Variants in PCDH15 observed in about 807,000 individuals in gnomAD.
The protein encoded by PCDH15 is protocadherin related 15.
Under a neutral mutation model 178.5 loss-of-function variants are expected in PCDH15, and 129 were observed. The ratio of observed to expected loss-of-function variants is 0.72; its 90% CI spans 0.63 to 0.84. The LOEUF is 0.84. Among genes scored for constraint, PCDH15 ranks in the 40% least tolerant of loss-of-function variants. The probability of loss-of-function intolerance (pLI) is 0.00; values close to 1 mark genes in which losing one functional copy is unlikely to be tolerated. For synonymous variants in PCDH15, 800 were observed against 732.0 expected (o/e 1.09, Z -1.50); for missense variants, 2,230 against 2,099.9 (o/e 1.06, Z -1.21).
chr10:53,844,645 A>G (rs1356780093), intron 28 of PCDH15, among the ~76,000 whole-genome samples: 2 of 151,976 alleles, frequency 1.3e-5, no homozygotes, highest in Non-Finnish European at 2.9e-5. Flanking sequence ...GACAATTTTT[A>G]ATGTATGATG....
chr10:55,264,577 G>C (rs1025697790), intron 1 of PCDH15, among the ~76,000 whole-genome samples: 2 of 152,104 alleles, frequency 1.3e-5, no homozygotes, highest in Admixed American at 1.3e-4. Context: ...TCACACCCTG[G>C]GTTTTCACTG....
At chr10:54,428,007 A>G (rs950478248) in intron 3 of PCDH15, among the ~76,000 whole-genome samples, 11 of 152,200 alleles carry the variant, frequency 7.2e-5, no homozygotes, top group African/African-American at 2.2e-4. Context: ...AAACTAGGAT[A>G]TAGAAACATT....
At chr10:54,358,407 A>C (rs1328245784) in intron 5 of PCDH15, among the ~76,000 whole-genome samples, 1 of 152,186 alleles carries the variant, frequency 6.6e-6, no homozygotes, top group Non-Finnish European at 1.5e-5. Context: ...AAACACATGA[A>C]AAAATGCTCA....
At chr10:53,973,689 C>T (rs2089953958) in intron 21 of PCDH15, among the ~76,000 whole-genome samples, 1 of 152,004 alleles carries the variant, frequency 6.6e-6, no homozygotes, top group South Asian at 2.1e-4. Flanking sequence ...AGTTATTTCC[C>T]TGTATTCACA....
At chr10:54,430,539 A>T (rs1956843220) in intron 3 of PCDH15, among the ~76,000 whole-genome samples, 1 of 152,204 alleles carries the variant, frequency 6.6e-6, no homozygotes, top group Non-Finnish European at 1.5e-5. Flanking sequence ...ATGCTCTTGA[A>T]TGACCATCCA....
intron 1 of PCDH15, among the ~76,000 whole-genome samples, chr10:54,769,559 CA>C (rs1948866083): frequency 6.6e-6 from 1 of 151,618 alleles, no homozygotes; most frequent in African/African-American, 2.4e-5. Context: ...GGGATGCTAG[CA>C]TGCAACCTGG....
chr10:54,635,723 T>C (rs925922195), intron 2 of PCDH15, among the ~76,000 whole-genome samples: 1 of 151,930 alleles, frequency 6.6e-6, no homozygotes, highest in African/African-American at 2.4e-5. Context: ...CAAATTGTTC[T>C]GCTATTATAC....
rs1010582482 is a variant in PCDH15, at chr10:54,183,606, A to G, written c.1441-13T>C. On this transcript the variant is annotated splice_polypyrimidine_tract_variant and intron_variant, in intron 12 of 37. Coordinates refer to ENST00000644397, the MANE Select transcript of PCDH15 (RefSeq NM_001384140.1). ...CAAATGCTGTTATCTTTGGGAGGAG[A>G]AAAATACACTTAGTAGAGATGTTCT... 1.2e-5 allele frequency: 20 copies of G among 1,613,276 alleles called. No homozygotes were observed. The highest frequency in any genetic ancestry group is 1.6e-5 in the Non-Finnish European group (19 of 1,179,822).
At chr10:55,010,631 A>G (rs746858463) in intron 2 of PCDH15, among the ~76,000 whole-genome samples, 8 of 152,114 alleles carry the variant, frequency 5.3e-5, no homozygotes, top group Admixed American at 2.0e-4. Context: ...TCATGGTACA[A>G]ATAAAAACAG....
intron 2 of PCDH15, among the ~76,000 whole-genome samples, chr10:55,468,140 G>T (rs1839878201): frequency 6.6e-6 from 1 of 151,994 alleles, no homozygotes; most frequent in African/African-American, 2.4e-5. Flanking sequence ...GAGCAGGGGG[G>T]AAAAGTTAGT....
chr10:54,743,130 A>G (rs140806485), intron 1 of PCDH15, among the ~76,000 whole-genome samples: 211 of 152,148 alleles, frequency 1.4e-3, no homozygotes, highest in African/African-American at 4.9e-3. Context: ...CAGATGATAA[A>G]TGGAATGGCA....
chr10:54,683,140 A>C (rs2094929441), intron 1 of PCDH15, among the ~76,000 whole-genome samples: 1 of 152,082 alleles, frequency 6.6e-6, no homozygotes, highest in African/African-American at 2.4e-5. Context: ...TTTTTTAAAT[A>C]TTTTTAATTT....
chr10:55,480,476 T>C (rs1412292491), intron 2 of PCDH15, among the ~76,000 whole-genome samples: 3 of 151,570 alleles, frequency 2.0e-5, no homozygotes, highest in South Asian at 4.1e-4. Flanking sequence ...CTATCATATA[T>C]ATTTTTGTTA....
intron 1 of PCDH15, among the ~76,000 whole-genome samples, chr10:55,312,215 C>G (rs906586559): frequency 6.6e-6 from 1 of 152,086 alleles, no homozygotes. Flanking sequence ...AAGCTATTAA[C>G]TTTACTCTGT....
chr10:54,230,358 G>T (rs909685657), intron 9 of PCDH15, among the ~76,000 whole-genome samples: 4 of 151,684 alleles, frequency 2.6e-5, no homozygotes, highest in African/African-American at 9.7e-5. Flanking sequence ...TGAAACAAAA[G>T]AAAATATAAA....
intron 18 of PCDH15, among the ~76,000 whole-genome samples, chr10:54,028,147 C>A (rs1461106554): frequency 6.7e-6 from 1 of 149,290 alleles, no homozygotes; most frequent in African/African-American, 2.5e-5. Flanking sequence ...AGACACTTCT[C>A]AAAAGAAGAC....
rs191426625 is a variant in PCDH15, at chr10:54,644,407, A to G, written c.91+19765T>C. On this transcript the variant is annotated intron_variant, in intron 2 of 37. Coordinates refer to ENST00000644397, the MANE Select transcript of PCDH15 (RefSeq NM_001384140.1). ...GGCATTAATTTTTAAAAATTCATCT[A>G]TTTGTTGACTGTATAAAAGTATGTT... is the stretch of plus-strand genomic sequence containing the variant. Among the ~76,000 whole-genome samples the G allele has an allele frequency of 2.4e-3, 367 of 151,736 alleles. 1 individual carries two copies. In the Middle Eastern group the frequency reaches 0.041, roughly 17 times the overall value.
chr10:55,452,325 A>G (rs1839453576), intron 2 of PCDH15, among the ~76,000 whole-genome samples: 1 of 152,136 alleles, frequency 6.6e-6, no homozygotes, highest in Admixed American at 6.5e-5. Flanking sequence ...ACCTTGACCC[A>G]TAGCCAGAAA....
chr10:53,913,840 G>T (rs2083323687), intron 25 of PCDH15, among the ~76,000 whole-genome samples: 1 of 151,950 alleles, frequency 6.6e-6, no homozygotes, highest in African/African-American at 2.4e-5. Flanking sequence ...TACAGAATGG[G>T]AGAAAATTTT....
Sources: allele counts gnomAD v4.1 joint callset (sites outside exome capture counted in the v4.1 genomes callset), GRCh38; gene constraint gnomAD v4.1.1; transcripts MANE v1.5; gene names NCBI Gene and HGNC (gene_info 2026-07-23, HGNC 2026-07-21).